The following ARMC2 variants were observed in gnomAD, a reference collection of about 807,000 sequenced individuals.
The protein encoded by ARMC2 is armadillo repeat containing 2, also known as armadillo repeat-containing protein 2.
In ARMC2, 67 loss-of-function variants were observed where a neutral mutation model predicts 90.3. That is an observed-to-expected ratio of 0.74 (90% confidence interval 0.61 to 0.91). The LOEUF is 0.91. ARMC2 is among the 40% of genes least tolerant of loss of function. The pLI is 0.00. For missense variants in ARMC2, 920 were observed against 1,030.9 expected (o/e 0.89, Z 1.47); for synonymous variants, 393 against 393.0 (o/e 1.00, Z 0.00).
At position 108,931,512 on chromosome 6, in the gene ARMC2, A is replaced by G. The variant is rs538428567; in HGVS notation, c.1496+3279A>G. Among the ~76,000 whole-genome samples the G allele has an allele frequency of 3.6e-4, 55 of 152,058 alleles. 4 individuals are homozygous for G. Among genetic ancestry groups the G allele is most frequent in the African/African-American group, 1.3e-3 (53 of 41,316 alleles). ...TGGAATCACTATACTGCTTTACACA[A>G]TGATTGAACTAATTTATACTCCTAC... On this transcript the variant is annotated intron_variant, in intron 11 of 17. Transcript: ENST00000392644.
chr6:108,914,785 C>G (rs1268824926), intron 10 of ARMC2, among the ~76,000 whole-genome samples: 2 of 152,094 alleles, frequency 1.3e-5, no homozygotes, highest in Non-Finnish European at 2.9e-5. Context: ...AGCAACAAGA[C>G]TTCACTCCAA....
At chr6:108,924,762 G>T (rs1338411115) in intron 10 of ARMC2, among the ~76,000 whole-genome samples, 2 of 152,230 alleles carry the variant, frequency 1.3e-5, no homozygotes, top group Non-Finnish European at 2.9e-5. Context: ...AGGCCTTTGA[G>T]CAGGGAAGGC....
chr6:108,944,893 A>G (rs547189609), intron 12 of ARMC2, among the ~76,000 whole-genome samples: 1 of 152,206 alleles, frequency 6.6e-6, no homozygotes, highest in African/African-American at 2.4e-5. Flanking sequence ...CAGGGAGAGC[A>G]AGGGAAACTT....
At chr6:108,959,645 T>TA (rs1470063873) in intron 13 of ARMC2, 1 of 152,166 alleles carries the variant, frequency 6.6e-6, no homozygotes, top group Non-Finnish European at 1.5e-5. Flanking sequence ...TCGTGATTCT[T>TA]TCTCTGATTG....
chr6:108,978,690 C>T (rs180729143), downstream of ARMC2, among the ~76,000 whole-genome samples: 53 of 152,214 alleles, frequency 3.5e-4, no homozygotes, highest in East Asian at 8.1e-3. Flanking sequence ...TGTATTGATG[C>T]GTACATATTT....
At chr6:109,035,044 A>G in the ARMC2 span, among the ~76,000 whole-genome samples, 1 of 152,172 alleles carries the variant, frequency 6.6e-6, no homozygotes, top group Non-Finnish European at 1.5e-5. Flanking sequence ...TCCTCAACTT[A>G]TGGTGAGAAA....
chr6:109,046,807 C>T, the ARMC2 span, among the ~76,000 whole-genome samples: 9 of 137,530 alleles, frequency 6.5e-5, no homozygotes, highest in African/African-American at 2.1e-4. Flanking sequence ...CGTCTCTGCC[C>T]GGCCGCCCTG....
At chr6:108,968,850 A>T (rs1778560952) in intron 17 of ARMC2, among the ~76,000 whole-genome samples, 1 of 152,178 alleles carries the variant, frequency 6.6e-6, no homozygotes, top group Non-Finnish European at 1.5e-5. Flanking sequence ...ACTAGAAAAA[A>T]AGGAGAAGTA....
chr6:109,009,548 CGGACGGCG>C, the ARMC2 span: 1 of 1,003,254 alleles, frequency 1.0e-6, no homozygotes, highest in Non-Finnish European at 1.1e-6. Flanking sequence ...TCAGTCAGCA[CGGACGGCG>C]GGGGGGCGGG....
chr6:108,863,228 G>A (rs553775524), intron 3 of ARMC2, among the ~76,000 whole-genome samples: 7 of 151,976 alleles, frequency 4.6e-5, no homozygotes, highest in Non-Finnish European at 8.8e-5. Flanking sequence ...CAGTACAGGT[G>A]TGCACCACCA....
intron 3 of ARMC2, among the ~76,000 whole-genome samples, chr6:108,864,213 G>A (rs1027019900): frequency 4.0e-5 from 6 of 151,522 alleles, no homozygotes; most frequent in African/African-American, 1.2e-4. Flanking sequence ...GAACTGCCGC[G>A]TCACAAAGGT....
intron 7 of ARMC2, among the ~76,000 whole-genome samples, chr6:108,902,581 CATTT>C (rs1466610502): frequency 6.6e-6 from 1 of 152,166 alleles, no homozygotes; most frequent in Non-Finnish European, 1.5e-5. Context: ...TCAATTCATT[CATTT>C]AAGTGCATAA....
intron 3 of ARMC2, among the ~76,000 whole-genome samples, chr6:108,861,633 A>G (rs1775253470): frequency 6.6e-6 from 1 of 152,212 alleles, no homozygotes. Context: ...GCACGAACCA[A>G]TATTGCAAGA....
the ARMC2 span, among the ~76,000 whole-genome samples, chr6:108,996,900 A>T: frequency 6.6e-6 from 1 of 152,228 alleles, no homozygotes; most frequent in Non-Finnish European, 1.5e-5. Flanking sequence ...ACATGGAAGA[A>T]ATTTAAATGT....
intron 3 of ARMC2, among the ~76,000 whole-genome samples, chr6:108,860,260 T>A (rs1368120015): frequency 6.6e-6 from 1 of 152,162 alleles, no homozygotes; most frequent in Non-Finnish European, 1.5e-5. Flanking sequence ...TAGTTTTGAT[T>A]TTTTAACTAA....
chr6:108,860,003 TTAAA>T (rs1775051960), intron 3 of ARMC2, among the ~76,000 whole-genome samples: 1 of 132,500 alleles, frequency 7.5e-6, no homozygotes, highest in African/African-American at 3.1e-5. Flanking sequence ...AAACTCTGTC[TTAAA>T]AAAAAAAAAA....
chr6:108,910,380 C>G (rs1367164019), intron 8 of ARMC2, among the ~76,000 whole-genome samples: 1 of 152,134 alleles, frequency 6.6e-6, no homozygotes, highest in Non-Finnish European at 1.5e-5. Flanking sequence ...TGATTGAGCG[C>G]ACGTGGTCAA....
chr6:108,907,474 T>TAAG, intron 8 of ARMC2: 1 of 512,478 alleles, frequency 2.0e-6, no homozygotes, highest in Non-Finnish European at 3.2e-6. Flanking sequence ...TTTTTTTTTT[T>TAAG]TTTACCAGTC....
At chr6:108,898,075 A>G (rs967737668) in intron 6 of ARMC2, among the ~76,000 whole-genome samples, 2 of 152,200 alleles carry the variant, frequency 1.3e-5, no homozygotes, top group African/African-American at 4.8e-5. Context: ...CCCATTTTAC[A>G]GAAGAGAGGT....
Sources: gnomAD v4.1 joint callset for allele counts (sites outside exome capture counted in the v4.1 genomes callset) on GRCh38, gnomAD v4.1.1 for gene constraint, MANE v1.5 for transcripts, NCBI Gene and HGNC (gene_info 2026-07-23, HGNC 2026-07-21) for gene names.